The following FLRT2 variants were observed in gnomAD, a reference collection of about 807,000 sequenced individuals.
The protein encoded by FLRT2 is fibronectin leucine rich transmembrane protein 2.
A neutral mutation model predicts 40.0 loss-of-function variants in FLRT2; 15 were observed. That is an observed-to-expected ratio of 0.38 (90% CI 0.25 to 0.58). FLRT2 has a LOEUF of 0.58. Ranked by LOEUF, FLRT2 falls within the 20% of genes least tolerant of loss-of-function variation. The pLI, the probability that FLRT2 is intolerant of heterozygous loss-of-function variation, is 0.71. For synonymous variants in FLRT2, 380 were observed against 336.8 expected (o/e 1.13, Z -1.41); for missense variants, 726 against 840.0 (o/e 0.86, Z 1.68).
At position 85,651,295 on chromosome 14, in the gene FLRT2, GT is replaced by G. The variant is rs1894428286; in HGVS notation, c.*27800del. The G allele has an allele frequency of 6.6e-6, 1 of 150,932 alleles. No homozygotes were observed. The highest frequency in any genetic ancestry group is 1.5e-5 in the Non-Finnish European group (1 of 67,646). 9.3% of individuals were successfully genotyped at this position (150,932 alleles called of 1,614,324 possible). A position where few individuals can be genotyped will look rare whatever the true frequency, so the allele number is the denominator to read the frequency against. ...TGTGTGTGTGTGTGTGTGTGTATTTGTTGTGATTTGTTTTTATGTTTTAGCA... is the reference window on the plus strand; with the variant it reads ...TGTGTGTGTGTGTGTGTGTGTATTTGTGTGATTTGTTTTTATGTTTTAGCA... On this transcript the variant is annotated 3_prime_UTR_variant, in exon 2 of 2. Transcript: ENST00000330753.
intron 1 of FLRT2, among the ~76,000 whole-genome samples, chr14:85,605,742 G>C (rs913673576): frequency 6.6e-6 from 1 of 151,874 alleles, no homozygotes; most frequent in Non-Finnish European, 1.5e-5. Context: ...ATCCAGCCTG[G>C]GCAACAGAGC....
Position 85,645,184 on chromosome 14 carries a change from C to CTA in FLRT2, c.*21695_*21696dup, listed in dbSNP as rs560828367. On this transcript the variant is annotated 3_prime_UTR_variant, in exon 2 of 2. Transcript: ENST00000330753. The stretch of plus-strand genomic sequence containing the variant: ...CATATGTGTGTATGTATATGTATAC[C>CTA]TATATATATGTATACATATGTATAT... 3.7e-4 allele frequency: 55 copies of CTA among 149,636 alleles called. No individual in the cohort carries two copies. Among genetic ancestry groups the CTA allele is most frequent in the Middle Eastern group, 3.6e-3 (1 of 276 alleles). 9.3% of individuals were successfully genotyped at this position (149,636 alleles called of 1,614,324 possible).
Position 85,637,873 on chromosome 14 carries a change from T to C in FLRT2, c.*14376T>C, listed in dbSNP as rs1566772817. ...AGTGGTAATAATAGGGTTAATTATA[T>C]GAACCCATATAGTAGTGTCATTTAA... On this transcript the variant is annotated 3_prime_UTR_variant, in exon 2 of 2. Coordinates refer to ENST00000330753, the MANE Select transcript of FLRT2 (RefSeq NM_013231.6). The C allele has an allele frequency of 6.6e-6, 1 of 152,248 alleles. No homozygotes were observed. The highest frequency in any genetic ancestry group is 1.5e-5 in the Non-Finnish European group (1 of 68,048). The allele number at this position is 152,248 out of a possible 1,614,324, so 9.4% of individuals were successfully genotyped here.
At chr14:85,577,252 T>G (rs1891159150) in intron 1 of FLRT2, among the ~76,000 whole-genome samples, 1 of 152,142 alleles carries the variant, frequency 6.6e-6, no homozygotes, top group South Asian at 2.1e-4. Context: ...GCTGGATTGA[T>G]TTTTCAAAAA....
Position 85,622,668 on chromosome 14 carries a change from C to T in FLRT2, c.1154C>T (p.Thr385Ile). 1 of 1,614,046 alleles carries T rather than the reference C, an allele frequency of 6.2e-7. No homozygotes were observed. The highest frequency in any genetic ancestry group is 8.5e-7 in the Non-Finnish European group (1 of 1,180,030). The change falls in exon 2 of 2, where the codon ACC (threonine) becomes ATC (isoleucine). Residue 385 changes from threonine (T) to isoleucine (I), a missense_variant. By Grantham distance (89) the Thr-to-Ile change is moderately conservative (BLOSUM62 -1). Coordinates refer to ENST00000330753, the MANE Select transcript of FLRT2 (RefSeq NM_013231.6). Reference sequence around the variant, plus strand: ...GCTTCTCCGACCACTCAGCCTCCCACCCTCTCTATTCCAAACCCTAGCAGA... The same window carrying T: ...GCTTCTCCGACCACTCAGCCTCCCATCCTCTCTATTCCAAACCCTAGCAGA... ...STASPTTQPPTLSIPNPSRSY... is the reference protein window; with the variant it reads ...STASPTTQPPILSIPNPSRSY...
chr14:85,583,324 A>T (rs1462060943), intron 1 of FLRT2, among the ~76,000 whole-genome samples: 1 of 152,226 alleles, frequency 6.6e-6, no homozygotes, highest in Non-Finnish European at 1.5e-5. Context: ...TCATTTTGTT[A>T]AATCAGAAAT....
rs565792615 is a variant in FLRT2, at chr14:85,532,318, G to C, written c.-377+1784G>C. On this transcript the variant is annotated intron_variant, in intron 1 of 1. Coordinates refer to ENST00000330753, the MANE Select transcript of FLRT2 (RefSeq NM_013231.6). ...GTTCTCCCTCTTCTGTTCAGATTCAGCCTCACCGGACTTGTTACAACATGA... is the reference window on the plus strand; with the variant it reads ...GTTCTCCCTCTTCTGTTCAGATTCACCCTCACCGGACTTGTTACAACATGA... Among the ~76,000 whole-genome samples the C allele has an allele frequency of 3.3e-5, 5 of 152,344 alleles. No individual in the cohort carries two copies. In the South Asian group the frequency reaches 1.0e-3, roughly 32 times the overall value.
Position 85,638,657 on chromosome 14 carries a change from G to A in FLRT2, c.*15160G>A, listed in dbSNP as rs1894069692. On this transcript the variant is annotated 3_prime_UTR_variant, in exon 2 of 2. Transcript: ENST00000330753. ...CCTCCAACAATAGACCCGTTATTAT[G>A]TGAAAGTGTGAGGCTGGGCCCAAGG... is the stretch of plus-strand genomic sequence containing the variant. 6.6e-6 allele frequency: 1 copy of A among 152,204 alleles called. No individual in the cohort carries two copies. The highest frequency in any genetic ancestry group is 6.5e-5 in the Admixed American group (1 of 15,276). The allele number at this position is 152,204 out of a possible 1,614,324, so 9.4% of individuals were successfully genotyped here. A position where few individuals can be genotyped will look rare whatever the true frequency, so the allele number is the denominator to read the frequency against.
intron 1 of FLRT2, among the ~76,000 whole-genome samples, chr14:85,564,661 G>A (rs993134545): frequency 6.6e-5 from 10 of 152,328 alleles, no homozygotes; most frequent in Middle Eastern, 3.4e-3. Context: ...ACCGTTTTCT[G>A]TGTCTTTTGA....
chr14:85,563,513 G>A (rs924254993), intron 1 of FLRT2, among the ~76,000 whole-genome samples: 5 of 152,128 alleles, frequency 3.3e-5, no homozygotes, highest in African/African-American at 1.2e-4. Context: ...AAGGGCGAAG[G>A]GGAAGCAGGC....
intron 1 of FLRT2, among the ~76,000 whole-genome samples, chr14:85,607,651 CT>C (rs1892680963): frequency 6.6e-6 from 1 of 152,198 alleles, no homozygotes; most frequent in South Asian, 2.1e-4. Context: ...CAAGTTTTTG[CT>C]TTGCAGTCCT....
In FLRT2 at chr14:85,653,430, A is replaced by G. The variant is rs1894480263; in HGVS notation, c.*29933A>G. On this transcript the variant is annotated 3_prime_UTR_variant, in exon 2 of 2. Coordinates refer to ENST00000330753, the MANE Select transcript of FLRT2 (RefSeq NM_013231.6). The stretch of plus-strand genomic sequence containing the variant: ...ACATGGATGGATGCTCCATTAAGTC[A>G]TTTAAAATAAACTTCCTAGCAAGTG... 6.6e-6 allele frequency: 1 copy of G among 152,180 alleles called. No individual in the cohort carries two copies. Among genetic ancestry groups the G allele is most frequent in the Non-Finnish European group, 1.5e-5 (1 of 68,034 alleles). 9.4% of individuals were successfully genotyped at this position (152,180 alleles called of 1,614,324 possible).
At chr14:85,566,439 C>T (rs577785238) in intron 1 of FLRT2, among the ~76,000 whole-genome samples, 137 of 152,112 alleles carry the variant, frequency 9.0e-4, no homozygotes, top group Non-Finnish European at 1.7e-3. Flanking sequence ...AATAAAATGA[C>T]TTCATAAAGG....
At chr14:85,609,303 G>A (rs572147514) in intron 1 of FLRT2, among the ~76,000 whole-genome samples, 5 of 152,264 alleles carry the variant, frequency 3.3e-5, no homozygotes, top group Admixed American at 1.3e-4. Context: ...GACCCTGTGC[G>A]TTCCTTACCC....
intron 1 of FLRT2, among the ~76,000 whole-genome samples, chr14:85,577,186 C>A (rs945923931): frequency 1.3e-5 from 2 of 152,118 alleles, no homozygotes; most frequent in Non-Finnish European, 2.9e-5. Context: ...TAGTAAAAGG[C>A]TTTTGAATCT....
Position 85,649,659 on chromosome 14 carries a change from T to C in FLRT2, c.*26162T>C, listed in dbSNP as rs1398398504. ...GATTTTAAGATAAATTCTTTCATACTGGAATTTGTGATACTATCCACACTT... is the reference window on the plus strand; with the variant it reads ...GATTTTAAGATAAATTCTTTCATACCGGAATTTGTGATACTATCCACACTT... On this transcript the variant is annotated 3_prime_UTR_variant, in exon 2 of 2. Coordinates refer to ENST00000330753, the MANE Select transcript of FLRT2 (RefSeq NM_013231.6). The C allele has an allele frequency of 6.6e-6, 1 of 152,108 alleles. No individual in the cohort carries two copies. Among genetic ancestry groups the C allele is most frequent in the African/African-American group, 2.4e-5 (1 of 41,442 alleles). The allele number at this position is 152,108 out of a possible 1,614,324, so 9.4% of individuals were successfully genotyped here. A position where few individuals can be genotyped will look rare whatever the true frequency, so the allele number is the denominator to read the frequency against.
intron 1 of FLRT2, among the ~76,000 whole-genome samples, chr14:85,612,755 A>G (rs1892945608): frequency 6.6e-6 from 1 of 152,172 alleles, no homozygotes; most frequent in South Asian, 2.1e-4. Flanking sequence ...ATTTTATACC[A>G]TTTACATTCA....
chr14:85,578,162 TTATA>T (rs1891211248), intron 1 of FLRT2, among the ~76,000 whole-genome samples: 2 of 140,888 alleles, frequency 1.4e-5, no homozygotes, highest in South Asian at 4.6e-4. Context: ...AAAAATATCT[TTATA>T]TATAAAAATA....
chr14:85,639,506 G>C lies in FLRT2; in HGVS notation c.*16009G>C, dbSNP rs1436255504. 1 of 152,158 alleles carries C rather than the reference G, an allele frequency of 6.6e-6. No individual in the cohort carries two copies. The highest frequency in any genetic ancestry group is 1.5e-5 in the Non-Finnish European group (1 of 68,028). 9.4% of individuals were successfully genotyped at this position (152,158 alleles called of 1,614,324 possible). ...GAAGGGGCCCCACCAGTCATTCTGA[G>C]ACGTGTTTCCATTTTCTGCTACTTT... On this transcript the variant is annotated 3_prime_UTR_variant, in exon 2 of 2. Transcript: ENST00000330753.
Sources: gnomAD v4.1 joint callset for allele counts (sites outside exome capture counted in the v4.1 genomes callset) on GRCh38, gnomAD v4.1.1 for gene constraint, MANE v1.5 for transcripts, NCBI Gene and HGNC (gene_info 2026-07-23, HGNC 2026-07-21) for gene names.